Variants in FUT9 observed in about 807,000 individuals in gnomAD.
The protein encoded by FUT9 is fucosyltransferase 9.
Under a neutral mutation model 29.7 loss-of-function variants are expected in FUT9, and 15 were observed. That is an observed-to-expected ratio of 0.51 (90% CI 0.34 to 0.78). FUT9 has a LOEUF of 0.78. FUT9 is among the 30% of genes least tolerant of loss of function. FUT9 has a pLI of 0.01. For synonymous variants in FUT9, 169 were observed against 153.7 expected (o/e 1.10, Z -0.74); for missense variants, 319 against 425.4 (o/e 0.75, Z 2.20).
intron 1 of FUT9, among the ~76,000 whole-genome samples, chr6:96,066,307 T>A (rs1381002249): frequency 1.3e-5 from 2 of 151,118 alleles, no homozygotes; most frequent in East Asian, 3.9e-4. Flanking sequence ...CATTTGTATA[T>A]CAATATAATA....
At chr6:96,088,527 GT>G (rs1562120783) in intron 1 of FUT9, among the ~76,000 whole-genome samples, 10 of 108,294 alleles carry the variant, frequency 9.2e-5, no homozygotes, top group Non-Finnish European at 1.8e-4. Flanking sequence ...CTGTTTGTTT[GT>G]TTTGTGTGTG....
chr6:96,097,837 C>A (rs2127955795), intron 1 of FUT9, among the ~76,000 whole-genome samples: 1 of 152,200 alleles, frequency 6.6e-6, no homozygotes, highest in South Asian at 2.1e-4. Context: ...TTCCACTAGA[C>A]AAGTCCTTCT....
chr6:96,119,503 CAT>C (rs1287073502), intron 2 of FUT9, among the ~76,000 whole-genome samples: 5 of 152,194 alleles, frequency 3.3e-5, no homozygotes, highest in Non-Finnish European at 7.3e-5. Flanking sequence ...TTAAGTGACA[CAT>C]GACTGTATAT....
chr6:96,082,059 A>G (rs1771246155), intron 1 of FUT9, among the ~76,000 whole-genome samples: 1 of 151,764 alleles, frequency 6.6e-6, no homozygotes. Flanking sequence ...TCTCAACACT[A>G]TAGTCATTTG....
intron 2 of FUT9, among the ~76,000 whole-genome samples, chr6:96,172,075 G>A (rs1216930134): frequency 2.0e-5 from 3 of 152,120 alleles, no homozygotes; most frequent in Non-Finnish European, 4.4e-5. Context: ...ATCAGGGTGT[G>A]AGCTTGTTCA....
intron 2 of FUT9, among the ~76,000 whole-genome samples, chr6:96,169,056 A>C (rs1008164472): frequency 6.6e-6 from 1 of 152,156 alleles, no homozygotes; most frequent in African/African-American, 2.4e-5. Context: ...TACATATATC[A>C]TTAGCAGTCA....
At chr6:96,132,295 T>C (rs17056172) in intron 2 of FUT9, among the ~76,000 whole-genome samples, 1,504 of 105,742 alleles carry the variant, frequency 0.014, 32 homozygotes, top group East Asian at 0.12. Context: ...AAAACAAAGG[T>C]TGAAAGAACA....
At chr6:96,196,648 G>A (rs1305969453) in intron 2 of FUT9, among the ~76,000 whole-genome samples, 1 of 152,038 alleles carries the variant, frequency 6.6e-6, no homozygotes, top group East Asian at 1.9e-4. Context: ...GAAGGCAGAG[G>A]TTACAGTGAG....
chr6:96,120,043 C>G (rs890949255), intron 2 of FUT9, among the ~76,000 whole-genome samples: 2 of 152,004 alleles, frequency 1.3e-5, no homozygotes, highest in African/African-American at 4.8e-5. Context: ...CATTTGTTAT[C>G]TGTTACAATA....
intron 1 of FUT9, among the ~76,000 whole-genome samples, chr6:96,055,693 T>C (rs1289503807): frequency 7.1e-6 from 1 of 140,198 alleles, no homozygotes; most frequent in East Asian, 2.1e-4. Context: ...TTTGTTTTTG[T>C]TTTCTATTTC....
intron 2 of FUT9, among the ~76,000 whole-genome samples, chr6:96,152,172 T>G (rs1484656076): frequency 6.6e-6 from 1 of 152,228 alleles, no homozygotes; most frequent in Admixed American, 6.5e-5. Flanking sequence ...TCTTTGATCA[T>G]AGGCTTATCT....
Position 96,203,874 on chromosome 6 carries a change from T to A in FUT9, c.719T>A (p.Phe240Tyr). The change falls in exon 3 of 3, where the codon TTT becomes TAT. Residue 240 changes from phenylalanine (F) to tyrosine (Y), a missense_variant. By Grantham distance (22) the Phe-to-Tyr change is conservative. Transcript: ENST00000302103. Reference sequence around the variant, plus strand: ...ATTCCTACCATATCTACTTGTAAATTTTATCTTTCCTTTGAAAATTCAATC... The same window carrying A: ...ATTCCTACCATATCTACTTGTAAATATTATCTTTCCTTTGAAAATTCAATC... ...NLIPTISTCK[F>Y]YLSFENSIHK... 1 of 1,612,244 alleles carries A rather than the reference T, an allele frequency of 6.2e-7. No homozygotes were observed. Among genetic ancestry groups the A allele is most frequent in the Non-Finnish European group, 8.5e-7 (1 of 1,178,678 alleles).
chr6:96,207,185 A>T lies in FUT9; in HGVS notation c.*2950A>T, dbSNP rs1293659624. On this transcript the variant is annotated 3_prime_UTR_variant, in exon 3 of 3. Transcript: ENST00000302103. ...TGCTTTTCTTTCTACTTATGAGTTA[A>T]CTAGATCCAGAGATATTTATTCAAG... 2.4e-5 allele frequency: 4 copies of T among 165,182 alleles called. No individual in the cohort carries two copies. The highest frequency in any genetic ancestry group is 5.9e-5 in the Non-Finnish European group (4 of 67,724). 10.2% of individuals were successfully genotyped at this position (165,182 alleles called of 1,614,324 possible). A position where few individuals can be genotyped will look rare whatever the true frequency, so the allele number is the denominator to read the frequency against.
intron 2 of FUT9, among the ~76,000 whole-genome samples, chr6:96,161,594 G>C (rs1490184170): frequency 1.3e-5 from 2 of 152,172 alleles, no homozygotes; most frequent in Non-Finnish European, 2.9e-5. Context: ...TTCAGTGTTA[G>C]AGGTGACTGC....
In FUT9 at chr6:96,040,726, G is replaced by C. The variant is rs563878756; in HGVS notation, c.-98+24514G>C. On this transcript the variant is annotated intron_variant, in intron 1 of 2. Coordinates refer to ENST00000302103, the MANE Select transcript of FUT9 (RefSeq NM_006581.4). ...ACCTGTTTTGGAGGTAGCATTATTA[G>C]AGCTTGAATGATGGAATGTGGGCAT... Among the ~76,000 whole-genome samples the C allele has an allele frequency of 1.4e-4, 22 of 152,208 alleles. No individual in the cohort carries two copies. The South Asian group carries it at 4.6e-3, about 32-fold the overall frequency.
chr6:96,048,509 A>T (rs1770605971), intron 1 of FUT9, among the ~76,000 whole-genome samples: 1 of 152,228 alleles, frequency 6.6e-6, no homozygotes. Context: ...GACAAAGAGA[A>T]GCAAGGTTTC....
intron 1 of FUT9, among the ~76,000 whole-genome samples, chr6:96,107,023 G>T (rs967652622): frequency 6.6e-6 from 1 of 152,114 alleles, no homozygotes; most frequent in Admixed American, 6.5e-5. Flanking sequence ...TAATATATGC[G>T]TACCTATAGG....
intron 2 of FUT9, among the ~76,000 whole-genome samples, chr6:96,116,665 A>G (rs1771917242): frequency 6.6e-6 from 1 of 152,222 alleles, no homozygotes; most frequent in South Asian, 2.1e-4. Flanking sequence ...CATCTTGCTA[A>G]GTGAAAGAAG....
chr6:96,099,873 C>G (rs1771557621), intron 1 of FUT9, among the ~76,000 whole-genome samples: 1 of 152,038 alleles, frequency 6.6e-6, no homozygotes, highest in African/African-American at 2.4e-5. Context: ...TAACCTTGTA[C>G]ATTATGTGCA....
Sources: allele counts gnomAD v4.1 joint callset (sites outside exome capture counted in the v4.1 genomes callset), GRCh38; gene constraint gnomAD v4.1.1; transcripts MANE v1.5; gene names NCBI Gene and HGNC (gene_info 2026-07-23, HGNC 2026-07-21).